IGF1R: variants seen among roughly 807,000 people sequenced by gnomAD.
IGF1R encodes insulin like growth factor 1 receptor.
A neutral mutation model predicts 144.6 loss-of-function variants in IGF1R; 44 were observed. That is an observed-to-expected ratio of 0.30 (90% confidence interval 0.24 to 0.39). The LOEUF (loss-of-function observed/expected upper bound fraction) is 0.39. Ranked by LOEUF, IGF1R falls within the 10% of genes least tolerant of loss-of-function variation. The pLI is 1.00. For synonymous variants in IGF1R, 795 were observed against 722.8 expected (o/e 1.10, Z -1.60); for missense variants, 1,355 against 1,833.7 (o/e 0.74, Z 4.77).
At chr15:98,799,119 G>A (rs1244142902) in intron 2 of IGF1R, among the ~76,000 whole-genome samples, 5 of 152,084 alleles carry the variant, frequency 3.3e-5, no homozygotes, top group South Asian at 2.1e-4. Context: ...GTTGAAGGGC[G>A]ATGTTTAAGA....
chr15:98,830,897 C>G (rs1450048143), intron 2 of IGF1R, among the ~76,000 whole-genome samples: 1 of 152,212 alleles, frequency 6.6e-6, no homozygotes, highest in Non-Finnish European at 1.5e-5. Flanking sequence ...AACCACCACG[C>G]CCGGCCAGGA....
In IGF1R at chr15:98,741,586, C is replaced by T. The variant is rs115366207; in HGVS notation, c.640+33479C>T. On this transcript the variant is annotated intron_variant, in intron 2 of 20. Coordinates refer to ENST00000650285, the MANE Select transcript of IGF1R (RefSeq NM_000875.5). ...TCTTTCCAGGTCATTGATGGACTCT[C>T]AGGTGCTGCATTTCTGCACGTCGGG... 2.4e-3 allele frequency among the ~76,000 whole-genome samples: 372 copies of T among 152,316 alleles called. 2 individuals carry two copies. Among genetic ancestry groups the T allele is most frequent in the African/African-American group, 8.8e-3 (364 of 41,566 alleles).
chr15:98,665,956 T>C (rs2141186325), intron 1 of IGF1R, among the ~76,000 whole-genome samples: 1 of 152,356 alleles, frequency 6.6e-6, no homozygotes, highest in Admixed American at 6.5e-5. Flanking sequence ...TGGTGGTATT[T>C]GCAAGGAAAA....
chr15:98,687,329 C>T (rs933666039), intron 1 of IGF1R, among the ~76,000 whole-genome samples: 1 of 152,102 alleles, frequency 6.6e-6, no homozygotes, highest in African/African-American at 2.4e-5. Flanking sequence ...GTGTTAAAGG[C>T]CTGGCCTAGA....
chr15:98,820,268 A>G (rs1202839627), intron 2 of IGF1R, among the ~76,000 whole-genome samples: 1 of 152,124 alleles, frequency 6.6e-6, no homozygotes, highest in Non-Finnish European at 1.5e-5. Flanking sequence ...TACGTAGGTA[A>G]TTTCATATCC....
At chr15:98,831,266 C>T (rs1032760643) in intron 2 of IGF1R, among the ~76,000 whole-genome samples, 5 of 152,254 alleles carry the variant, frequency 3.3e-5, no homozygotes, top group South Asian at 2.1e-4. Context: ...AGGATTTCAA[C>T]GTGTTCTAAA....
intron 2 of IGF1R, among the ~76,000 whole-genome samples, chr15:98,871,602 A>G (rs1243442707): frequency 3.3e-5 from 5 of 152,272 alleles, no homozygotes; most frequent in Non-Finnish European, 7.3e-5. Context: ...TCACAGTTTC[A>G]TGTGACTGGA....
intron 2 of IGF1R, among the ~76,000 whole-genome samples, chr15:98,821,622 A>G (rs1301895845): frequency 1.3e-5 from 2 of 152,240 alleles, no homozygotes; most frequent in African/African-American, 4.8e-5. Flanking sequence ...CTGCTCTTCC[A>G]TAGATGATGA....
chr15:98,732,313 C>CT (rs1296896738), intron 2 of IGF1R, among the ~76,000 whole-genome samples: 1 of 152,132 alleles, frequency 6.6e-6, no homozygotes, highest in African/African-American at 2.4e-5. Context: ...TGAATAAAGG[C>CT]TGAGTATAAG....
At chr15:98,815,971 C>T (rs1346409775) in intron 2 of IGF1R, among the ~76,000 whole-genome samples, 1 of 152,202 alleles carries the variant, frequency 6.6e-6, no homozygotes, top group East Asian at 1.9e-4. Context: ...ATTCCTTCTC[C>T]TTCCCTGTGT....
At chr15:98,754,743 T>A (rs925449127) in intron 2 of IGF1R, among the ~76,000 whole-genome samples, 1 of 152,188 alleles carries the variant, frequency 6.6e-6, no homozygotes, top group African/African-American at 2.4e-5. Context: ...GCAGGTTAGG[T>A]GTAAACATTA....
intron 2 of IGF1R, among the ~76,000 whole-genome samples, chr15:98,749,261 G>T (rs1382585693): frequency 2.7e-5 from 4 of 149,030 alleles, no homozygotes; most frequent in South Asian, 2.1e-4. Flanking sequence ...TTACCTTGTT[G>T]TTAGACAGCC....
At chr15:98,867,154 G>GGAGAGAGAGAGAGAGA (rs60863950) in intron 2 of IGF1R, among the ~76,000 whole-genome samples, 2 of 146,142 alleles carry the variant, frequency 1.4e-5, no homozygotes, top group African/African-American at 5.1e-5. Context: ...AGAGAAAGGG[G>GGAGAGAGAGAGAGAGA]GAGAGAGAGA....
At chr15:98,836,244 A>T (rs2057098774) in intron 2 of IGF1R, among the ~76,000 whole-genome samples, 1 of 152,104 alleles carries the variant, frequency 6.6e-6, no homozygotes. Flanking sequence ...AAAAAAGTTG[A>T]AAAAGCATCC....
chr15:98,666,847 ATCAGTG>A lies in IGF1R; in HGVS notation c.94+17179_94+17184del, dbSNP rs200245556. Among the ~76,000 whole-genome samples, 55 of 152,344 alleles carry A rather than the reference ATCAGTG, an allele frequency of 3.6e-4. 2 individuals are homozygous for A. In the East Asian group the frequency reaches 0.01, roughly 28 times the overall value. ...TTACGGTGGTTGAGCAACATTGTGAATCAGTGTCAGTGAACTATACACTTAACAAGG... is the reference window on the plus strand; with the variant it reads ...TTACGGTGGTTGAGCAACATTGTGAATCAGTGAACTATACACTTAACAAGG... On this transcript the variant is annotated intron_variant, in intron 1 of 20. Transcript: ENST00000650285.
In IGF1R at chr15:98,654,610, T is replaced by G. The variant is rs1188912419; in HGVS notation, c.94+4935T>G. ...AGATACATTTCTTTATAGGTTGTGA[T>G]TTTCCCCAATTTGTTTTCAAAACTC... is the stretch of plus-strand genomic sequence containing the variant. On this transcript the variant is annotated intron_variant, in intron 1 of 20. Coordinates refer to ENST00000650285, the MANE Select transcript of IGF1R (RefSeq NM_000875.5). Among the ~76,000 whole-genome samples the G allele has an allele frequency of 5.9e-5, 9 of 152,254 alleles. No homozygotes were observed. The East Asian group carries it at 1.7e-3, about 29-fold the overall frequency.
intron 1 of IGF1R, among the ~76,000 whole-genome samples, chr15:98,697,310 G>A (rs141310142): frequency 1.0e-3 from 153 of 152,314 alleles, no homozygotes; most frequent in African/African-American, 3.6e-3. Flanking sequence ...TTTGCAGAGT[G>A]GTTGGTTGCA....
chr15:98,936,078 C>T (rs2016136367), intron 17 of IGF1R, among the ~76,000 whole-genome samples: 1 of 152,200 alleles, frequency 6.6e-6, no homozygotes, highest in Non-Finnish European at 1.5e-5. Context: ...AAACCCCCTC[C>T]CCACACACAG....
chr15:98,940,579 A>G (rs2016326997), intron 18 of IGF1R, among the ~76,000 whole-genome samples: 2 of 151,602 alleles, frequency 1.3e-5, no homozygotes, highest in Non-Finnish European at 1.5e-5. Context: ...GATTTTTTAT[A>G]TTTTTAGTAG....
Sources: gnomAD v4.1 joint callset for allele counts (sites outside exome capture counted in the v4.1 genomes callset) on GRCh38, gnomAD v4.1.1 for gene constraint, MANE v1.5 for transcripts, NCBI Gene and HGNC (gene_info 2026-07-23, HGNC 2026-07-21) for gene names.